Variants in USP54 observed in about 807,000 individuals in gnomAD.
USP54 encodes the protein ubiquitin carboxyl-terminal hydrolase 54.
In USP54, 87 loss-of-function variants were observed where a neutral mutation model predicts 170.5. That is an observed-to-expected ratio of 0.51 (90% CI 0.43 to 0.61). The LOEUF (loss-of-function observed/expected upper bound fraction) is 0.61. USP54 is among the 20% of genes least tolerant of loss of function. The pLI is 0.00. For missense variants in USP54, 1,786 were observed against 2,047.8 expected (o/e 0.87, Z 2.47); for synonymous variants, 655 against 742.8 (o/e 0.88, Z 1.92).
intron 1 of USP54, among the ~76,000 whole-genome samples, chr10:73,583,451 A>T (rs1449854620): frequency 6.6e-6 from 1 of 152,124 alleles, no homozygotes; most frequent in Admixed American, 6.5e-5. Flanking sequence ...ACGCCCAGCT[A>T]ATTTTTGTAT....
Position 73,505,396 on chromosome 10 carries a change from T to G in USP54, c.4082A>C (p.His1361Pro), listed in dbSNP as rs150962177. 1.9e-6 allele frequency: 3 copies of G among 1,613,966 alleles called. No individual in the cohort carries two copies. The Admixed American group carries it at 5.0e-5, about 27-fold the overall frequency. The change falls in exon 21 of 24, where the codon CAC becomes CCC. Residue 1361 changes from histidine (H) to proline (P), a missense_variant. Coordinates refer to ENST00000687698, the MANE Select transcript of USP54 (RefSeq NM_001391956.1). ...GSADGMGRRLHSAHDPGLSKT... is the reference protein window; with the variant it reads ...GSADGMGRRLPSAHDPGLSKT... ...TGAGAGACCAGGATCATGGGCTGAGTGCAACCTCCTCCCCATGCCATCTGC... is the reference window on the plus strand; with the variant it reads ...TGAGAGACCAGGATCATGGGCTGAGGGCAACCTCCTCCCCATGCCATCTGC...
chr10:73,573,529 C>T (rs1043673947), intron 3 of USP54, among the ~76,000 whole-genome samples: 1 of 152,058 alleles, frequency 6.6e-6, no homozygotes, highest in Non-Finnish European at 1.5e-5. Flanking sequence ...TTTGGGAGGC[C>T]GAGGTGGGCA....
intron 12 of USP54, among the ~76,000 whole-genome samples, chr10:73,534,144 G>A (rs917380113): frequency 6.6e-6 from 1 of 152,028 alleles, no homozygotes; most frequent in African/African-American, 2.4e-5. Context: ...CCATTGAATT[G>A]CCCAAATTCT....
chr10:73,534,772 T>C lies in USP54; in HGVS notation c.1145-2A>G, dbSNP rs1341981263. ...CACTTGAGATGGAGGGCTCCCTCCC[T>C]GAGAGGAGGAGGAAACACATATGCA... On this transcript the variant is annotated splice_acceptor_variant, in intron 11 of 23. Coordinates refer to ENST00000687698, the MANE Select transcript of USP54 (RefSeq NM_001391956.1). LOFTEE classifies it high-confidence loss of function. The C allele has an allele frequency of 3.7e-6, 6 of 1,613,012 alleles. No homozygotes were observed. The highest frequency in any genetic ancestry group is 2.2e-5 in the East Asian group (1 of 44,886).
chr10:73,516,727 GTA>G lies in USP54; in HGVS notation c.3697_3698del (p.Tyr1233ProfsTer11), dbSNP rs1589940341. The stretch of plus-strand genomic sequence containing the variant: ...CTCTCACTTGGGACAGCTTCTCTTG[GTA>G]TATGTCTGGCTCTGCCAACCTGGGC... ...GQPRLAEPDIYQEKLSQVRDV... is the reference protein window; with the variant it reads ...GQPRLAEPDIXQEKLSQVRDV... On this transcript the variant is annotated frameshift_variant, in exon 20 of 24. Coordinates refer to ENST00000687698, the MANE Select transcript of USP54 (RefSeq NM_001391956.1). LOFTEE classifies it high-confidence loss of function. The G allele has an allele frequency of 6.2e-7, 1 of 1,614,134 alleles. No individual in the cohort carries two copies. The highest frequency in any genetic ancestry group is 8.5e-7 in the Non-Finnish European group (1 of 1,180,032).
intron 1 of USP54, among the ~76,000 whole-genome samples, chr10:73,582,960 G>C (rs1383312159): frequency 3.9e-5 from 6 of 152,150 alleles, no homozygotes; most frequent in Non-Finnish European, 7.4e-5. Context: ...CATCATGAAT[G>C]CCATGATATG....
At chr10:73,530,026 AACACCCG>A in intron 14 of USP54, 110 bp downstream of exon 14, 1 of 1,498,624 alleles carries the variant, frequency 6.7e-7, no homozygotes, top group African/African-American at 1.4e-5. Context: ...ATATCCCTAA[AACACCCG>A]ACATCAGAGT....
intron 1 of USP54, among the ~76,000 whole-genome samples, chr10:73,616,042 C>T (rs896316285): frequency 2.7e-5 from 4 of 150,066 alleles, no homozygotes; most frequent in African/African-American, 5.1e-5. Flanking sequence ...CTCGTCTCTA[C>T]TAAAAATACA....
At position 73,600,671 on chromosome 10, in the gene USP54, C is replaced by T. The variant is rs185250887; in HGVS notation, c.-18+24896G>A. 3.3e-3 allele frequency among the ~76,000 whole-genome samples: 503 copies of T among 152,248 alleles called. 6 individuals carry two copies. The highest frequency in any genetic ancestry group is 0.03 in the East Asian group (156 of 5,164). ...GCTCGCGCCTATAATGCCAGCACTT[C>T]GGGAGGCTGAGGCAGGCGGATCACC... On this transcript the variant is annotated intron_variant, in intron 1 of 22. Transcript: ENST00000339859.
At position 73,499,298 on chromosome 10, in the gene USP54, A is replaced by G. The variant is rs1366866739; in HGVS notation, c.4496-110T>C. On this transcript the variant is annotated intron_variant, in intron 23 of 23. Transcript: ENST00000687698. ...CAATTCCCTACTCCTCCAAGAGCAT[A>G]CATACAAGGGAAAGAATGAATCAAG... The G allele has an allele frequency of 2.8e-6, 3 of 1,060,984 alleles. No individual in the cohort carries two copies. The Admixed American group carries it at 7.2e-5, about 25-fold the overall frequency. The allele number at this position is 1,060,984 out of a possible 1,614,324, so 65.7% of individuals were successfully genotyped here.
Position 73,580,214 on chromosome 10 carries a change from G to T in USP54, c.-581-3853C>A, listed in dbSNP as rs531582686. ...GCACCTATAATCCCAGCTCCTAGGG[G>T]GCATTGAGGCAGGAGAATTGCTTGA... On this transcript the variant is annotated intron_variant, in intron 1 of 23. Coordinates refer to ENST00000687698, the MANE Select transcript of USP54 (RefSeq NM_001391956.1). Among the ~76,000 whole-genome samples the T allele has an allele frequency of 5.9e-5, 9 of 151,590 alleles. No individual in the cohort carries two copies. The South Asian group carries it at 1.9e-3, about 32-fold the overall frequency.
At position 73,529,886 on chromosome 10, in the gene USP54, T is replaced by A; in HGVS notation, c.1854A>T (p.Pro618=). The A allele has an allele frequency of 6.5e-7, 1 of 1,537,444 alleles. No individual in the cohort carries two copies. Among genetic ancestry groups the A allele is most frequent in the Admixed American group, 2.1e-5 (1 of 46,562 alleles). The change falls in exon 15 of 24, where the codon CCA becomes CCT. Residue 618 remains proline, a synonymous_variant. Coordinates refer to ENST00000687698, the MANE Select transcript of USP54 (RefSeq NM_001391956.1). ...TAATGTCGTAAGAAGGTGGCTTGCT[T>A]GGTTCATCTGGTATAAATTCTTTAG... ...DSAKEFIPDE[P]SKPPSYDIKF... is the part of the protein sequence containing the mutation.
At chr10:73,579,775 A>G (rs2076630931) in intron 1 of USP54, among the ~76,000 whole-genome samples, 1 of 151,906 alleles carries the variant, frequency 6.6e-6, no homozygotes, top group South Asian at 2.1e-4. Context: ...AACAACAACA[A>G]CAACAAAAAA....
intron 3 of USP54, 91 bp from the exon 4 acceptor site, chr10:73,571,604 G>T: frequency 1.1e-6 from 1 of 919,688 alleles, no homozygotes; most frequent in Non-Finnish European, 1.6e-6. Context: ...GGTAATGACT[G>T]CAGAAGATGT....
chr10:73,508,796 T>C (rs2059660490), intron 20 of USP54, among the ~76,000 whole-genome samples: 1 of 151,496 alleles, frequency 6.6e-6, no homozygotes, highest in South Asian at 2.1e-4. Context: ...GCCTCCCGAG[T>C]AGCTGGGACT....
At chr10:73,573,102 TAGTG>T (rs2075496733) in intron 3 of USP54, among the ~76,000 whole-genome samples, 1 of 151,738 alleles carries the variant, frequency 6.6e-6, no homozygotes, top group African/African-American at 2.4e-5. Flanking sequence ...TAAGCAATTA[TAGTG>T]AGACCCTCTC....
At chr10:73,499,312 G>GA in intron 23 of USP54, 124 bp from the exon 24 acceptor site, 1 of 970,394 alleles carries the variant, frequency 1.0e-6, no homozygotes, top group South Asian at 1.7e-5. Context: ...ACAAGGGAAA[G>GA]AATGAATCAA....
rs184080778 is a variant in USP54 at position 73,543,511 on chromosome 10, C to T, written c.376-380G>A. The stretch of plus-strand genomic sequence containing the variant: ...CCTCCCGAGTAGCTGGGACTACAGG[C>T]GCCCGCCACCACGCCCGGCTAATTT... On this transcript the variant is annotated intron_variant, in intron 5 of 23. Coordinates refer to ENST00000687698, the MANE Select transcript of USP54 (RefSeq NM_001391956.1). 8.3e-3 allele frequency among the ~76,000 whole-genome samples: 1,255 copies of T among 151,726 alleles called. 16 individuals carry two copies. The highest frequency in any genetic ancestry group is 0.028 in the African/African-American group (1,164 of 41,342).
intron 3 of USP54, among the ~76,000 whole-genome samples, chr10:73,575,117 C>A (rs1055046097): frequency 6.6e-6 from 1 of 151,064 alleles, no homozygotes; most frequent in African/African-American, 2.4e-5. Flanking sequence ...CCCAGCTACT[C>A]GGGAGGCTGA....
Sources: gnomAD v4.1 joint callset for allele counts (sites outside exome capture counted in the v4.1 genomes callset) on GRCh38, gnomAD v4.1.1 for gene constraint, MANE v1.5 for transcripts, NCBI Gene and HGNC (gene_info 2026-07-23, HGNC 2026-07-21) for gene names.